Variants in PCDHA4 observed in about 807,000 individuals in gnomAD.
The protein encoded by PCDHA4 is protocadherin alpha-4.
PCDHA4 carries 49 observed loss-of-function variants against 61.4 expected under a neutral mutation model. That is an observed-to-expected ratio of 0.80 (90% confidence interval 0.63 to 1.01). PCDHA4 has a LOEUF of 1.01. Ranked by LOEUF, PCDHA4 falls within the 50% of genes least tolerant of loss-of-function variation. PCDHA4 has a pLI of 0.00. For missense variants in PCDHA4, 1,254 were observed against 1,235.8 expected (o/e 1.01, Z -0.22); for synonymous variants, 590 against 550.3 (o/e 1.07, Z -1.01).
At chr5:140,930,527 A>C (rs73793525) in intron 1 of PCDHA4, 8,511 of 152,566 alleles carry the variant, frequency 0.056, 704 homozygotes, top group African/African-American at 0.18. Context: ...CTGGCCCTCA[A>C]ACTTCTTGAG....
At chr5:140,823,023 C>T (rs148202782) in intron 1 of PCDHA4, 35 of 1,614,106 alleles carry the variant, frequency 2.2e-5, no homozygotes, top group African/African-American at 4.0e-5. Context: ...ACCGCGAGAG[C>T]GTGTCGGTCT....
rs2150182474 is a variant in PCDHA4 at position 140,830,181 on chromosome 5, A to G, written c.2385+20609A>G. The G allele has an allele frequency of 8.7e-6, 14 of 1,613,592 alleles. No individual in the cohort carries two copies. The East Asian group carries it at 1.8e-4, about 21-fold the overall frequency. Reference sequence around the variant, plus strand: ...CCAGAGGCGGCGCTGGTGGATGTCAACGTGTACCTGATCATCGCCATCTGC... The same window carrying G: ...CCAGAGGCGGCGCTGGTGGATGTCAGCGTGTACCTGATCATCGCCATCTGC... On this transcript the variant is annotated intron_variant, in intron 1 of 3. Transcript: ENST00000530339.
chr5:140,842,587 G>A (rs1778112450), intron 1 of PCDHA4: 1 of 1,529,428 alleles, frequency 6.5e-7, no homozygotes, highest in Non-Finnish European at 8.9e-7. Flanking sequence ...CGGCCTATGA[G>A]TTGGTGGTAA....
At chr5:140,851,728 C>A in intron 1 of PCDHA4, 1 of 969,738 alleles carries the variant, frequency 1.0e-6, no homozygotes, top group Non-Finnish European at 1.2e-6. Context: ...ACTTCGAGTT[C>A]TTTTGAAATT....
intron 1 of PCDHA4, chr5:140,858,372 C>CACATCT: frequency 6.3e-7 from 1 of 1,587,864 alleles, no homozygotes; most frequent in Non-Finnish European, 8.6e-7. Flanking sequence ...CCCAGCCTTC[C>CACATCT]ACCATGCCCA....
At position 140,958,540 on chromosome 5, in the gene PCDHA4, A is replaced by G. The variant is rs920451567; in HGVS notation, c.2386-20409A>G. 4.6e-5 allele frequency among the ~76,000 whole-genome samples: 7 copies of G among 152,312 alleles called. 1 individual carries two copies. In the East Asian group the frequency reaches 1.3e-3, roughly 29 times the overall value. On this transcript the variant is annotated intron_variant, in intron 1 of 3. Coordinates refer to ENST00000530339, the MANE Select transcript of PCDHA4 (RefSeq NM_018907.4). ...ATATATACTATGTGTACATTGATTT[A>G]TGAACCAATAAATGTTTCATACACA... is the stretch of plus-strand genomic sequence containing the variant.
intron 1 of PCDHA4, among the ~76,000 whole-genome samples, chr5:140,897,315 T>C (rs980857290): frequency 6.8e-6 from 1 of 147,686 alleles, no homozygotes; most frequent in Non-Finnish European, 1.5e-5. Context: ...GTATATCTCC[T>C]AAAGCTATCC....
At chr5:140,929,207 G>A (rs782298445) in intron 1 of PCDHA4, 6 of 1,614,104 alleles carry the variant, frequency 3.7e-6, no homozygotes, top group East Asian at 2.2e-5. Flanking sequence ...TTGCTGTTGC[G>A]TGGGGAGTAC....
At chr5:140,852,771 G>A (rs1284369835) in intron 1 of PCDHA4, 2 of 980,778 alleles carry the variant, frequency 2.0e-6, no homozygotes, top group African/African-American at 3.5e-5. Context: ...CTGATTATTT[G>A]ATGTGAATAG....
intron 1 of PCDHA4, among the ~76,000 whole-genome samples, chr5:140,844,362 T>G (rs1209255757): frequency 6.7e-6 from 1 of 149,512 alleles, no homozygotes; most frequent in African/African-American, 2.4e-5. Context: ...GGGAAGAGAT[T>G]TGTAATCCTT....
intron 1 of PCDHA4, among the ~76,000 whole-genome samples, chr5:140,971,016 A>G (rs1554232958): frequency 6.6e-6 from 1 of 152,208 alleles, no homozygotes; most frequent in African/African-American, 2.4e-5. Flanking sequence ...AAGTCTTTAG[A>G]TCGTAGCATT....
At position 140,808,133 on chromosome 5, in the gene PCDHA4, T is replaced by C. The variant is rs782108978; in HGVS notation, c.946T>C (p.Tyr316His). 15 of 1,614,078 alleles carry C rather than the reference T, an allele frequency of 9.3e-6. No homozygotes were observed. Among genetic ancestry groups the C allele is most frequent in the Non-Finnish European group, 1.3e-5 (15 of 1,179,886 alleles). The change falls in exon 1 of 4, where the codon TAT (tyrosine) becomes CAT (histidine). Residue 316 changes from tyrosine (Y) to histidine (H), a missense_variant. Coordinates refer to ENST00000530339, the MANE Select transcript of PCDHA4 (RefSeq NM_018907.4). ...TATTGACTTTGAAGAAAGCAAATCC[T>C]ATGAAATTATTGTAGAGGGCATTGA... ...GYIDFEESKS[Y>H]EIIVEGIDKG...
chr5:140,841,402 G>A (rs2150314669), intron 1 of PCDHA4: 15 of 1,613,154 alleles, frequency 9.3e-6, no homozygotes, highest in Non-Finnish European at 1.3e-5. Flanking sequence ...GGAAGGTGGG[G>A]AGCGGCCAGC....
chr5:140,882,086 A>G (rs1416648023), intron 1 of PCDHA4: 4 of 1,056,010 alleles, frequency 3.8e-6, no homozygotes, highest in South Asian at 1.7e-5. Context: ...GTCGCTCTTC[A>G]CTGAGAACGT....
chr5:140,868,872 G>T, intron 1 of PCDHA4: 1 of 640,590 alleles, frequency 1.6e-6, no homozygotes. Context: ...GCAGTGCACA[G>T]TACTCACAGT....
intron 1 of PCDHA4, among the ~76,000 whole-genome samples, chr5:140,978,421 T>C (rs969808613): frequency 2.0e-5 from 3 of 152,236 alleles, no homozygotes; most frequent in Non-Finnish European, 4.4e-5. Flanking sequence ...AAAGAGACTG[T>C]TATCAGTTGC....
At chr5:140,893,409 T>C (rs2153442529) in intron 1 of PCDHA4, among the ~76,000 whole-genome samples, 1 of 152,154 alleles carries the variant, frequency 6.6e-6, no homozygotes, top group South Asian at 2.1e-4. Context: ...TCCCAGCACT[T>C]AGGGAGGCAG....
At chr5:140,941,221 T>TTCTTTCTTTCTTTCTTTCTC (rs1563186510) in intron 1 of PCDHA4, among the ~76,000 whole-genome samples, 1 of 131,536 alleles carries the variant, frequency 7.6e-6, no homozygotes, top group Admixed American at 7.9e-5. Context: ...CTTCCTTTCT[T>TTCTTTCTTTCTTTCTTTCTC]TCTTTCTTTC....
chr5:140,875,402 C>T, intron 1 of PCDHA4: 1 of 1,488,874 alleles, frequency 6.7e-7, no homozygotes, highest in Non-Finnish European at 8.9e-7. Flanking sequence ...AGGGTGACTG[C>T]TCATAAAATA....
Sources: allele counts gnomAD v4.1 joint callset (sites outside exome capture counted in the v4.1 genomes callset), GRCh38; gene constraint gnomAD v4.1.1; transcripts MANE v1.5; gene names NCBI Gene and HGNC (gene_info 2026-07-23, HGNC 2026-07-21).